Variants in NEK10 observed in about 807,000 individuals in gnomAD.
The protein encoded by NEK10 is NIMA related kinase 10.
A neutral mutation model predicts 159.8 loss-of-function variants in NEK10; 122 were observed. The ratio of observed to expected loss-of-function variants is 0.76; its 90% confidence interval spans 0.66 to 0.89. The LOEUF (loss-of-function observed/expected upper bound fraction) is 0.89, where lower values mean the gene tolerates loss of function less well. NEK10 is among the 40% of genes least tolerant of loss of function. The pLI, the probability that NEK10 is intolerant of heterozygous loss-of-function variation, is 0.00. For synonymous variants in NEK10, 466 were observed against 457.1 expected, an observed-to-expected ratio of 1.02 and a Z score of -0.25; for missense variants, 1,342 against 1,323.1, an observed-to-expected ratio of 1.01 and a Z score of -0.22.
At chr3:27,119,958 T>C (rs1575378141) in intron 32 of NEK10, 90 bp from the exon 33 acceptor site, 1 of 868,710 alleles carries the variant, frequency 1.2e-6, no homozygotes, top group East Asian at 2.5e-5. Flanking sequence ...TTTCCCTATG[T>C]CTCTGCACAG....
intron 30 of NEK10, among the ~76,000 whole-genome samples, chr3:27,146,237 C>G (rs1231442837): frequency 6.6e-6 from 1 of 152,142 alleles, no homozygotes; most frequent in Non-Finnish European, 1.5e-5. Flanking sequence ...ACACTTGACA[C>G]TTGACACATA....
chr3:27,169,048 C>T (rs1006241946), intron 29 of NEK10, among the ~76,000 whole-genome samples: 7 of 151,984 alleles, frequency 4.6e-5, no homozygotes, highest in African/African-American at 7.3e-5. Flanking sequence ...GGACATCAAC[C>T]GGATTTGTGC....
chr3:27,178,245 A>G lies in NEK10; in HGVS notation c.2506-3412T>C, dbSNP rs182029786. The stretch of plus-strand genomic sequence containing the variant: ...TCAGTTGAATAGCAATTCTAACAGT[A>G]ACAGACTGACATTACCCAAATTAAC... On this transcript the variant is annotated intron_variant, in intron 26 of 35. Coordinates refer to ENST00000691995, the MANE Select transcript of NEK10 (RefSeq NM_001394966.1). Among the ~76,000 whole-genome samples the G allele has an allele frequency of 1.5e-3, 221 of 152,346 alleles. 1 individual carries two copies. The highest frequency in any genetic ancestry group is 6.8e-3 in the Middle Eastern group (2 of 294).
chr3:27,364,612 T>G (rs2048931328), intron 1 of NEK10, among the ~76,000 whole-genome samples: 1 of 152,176 alleles, frequency 6.6e-6, no homozygotes, highest in South Asian at 2.1e-4. Context: ...AAAAATAGAG[T>G]TTAAATTCAA....
chr3:27,343,920 T>C (rs1433954328), intron 5 of NEK10, among the ~76,000 whole-genome samples: 1 of 152,222 alleles, frequency 6.6e-6, no homozygotes, highest in Non-Finnish European at 1.5e-5. Flanking sequence ...TAATCAGTCA[T>C]TAAATCACTG....
In NEK10 at chr3:27,295,648, T is replaced by C; in HGVS notation, c.1273A>G (p.Lys425Glu). ...TTACTTTTTGCTGCATTCTTTTGCT[T>C]ATTTGGTAAAATTAATTTTGCTATT... Reference protein sequence around the residue: ...YTIAKLILPNKQKNAAKSNLL... With the variant: ...YTIAKLILPNEQKNAAKSNLL... The change falls in exon 15 of 36, where the codon AAG becomes GAG. Residue 425 changes from lysine (K) to glutamate (E), a missense_variant. By Grantham distance (56) the Lys-to-Glu change is moderately conservative. Coordinates refer to ENST00000691995, the MANE Select transcript of NEK10 (RefSeq NM_001394966.1). 1 of 1,567,884 alleles carries C rather than the reference T, an allele frequency of 6.4e-7. No individual in the cohort carries two copies. Among genetic ancestry groups the C allele is most frequent in the Non-Finnish European group, 8.7e-7 (1 of 1,153,814 alleles).
chr3:27,344,893 A>G (rs2047447275), intron 4 of NEK10, among the ~76,000 whole-genome samples: 1 of 152,168 alleles, frequency 6.6e-6, no homozygotes, highest in Admixed American at 6.5e-5. Flanking sequence ...AGCCATGTTG[A>G]CTGTCACTGT....
chr3:27,339,177 C>A (rs1055144843), intron 5 of NEK10, among the ~76,000 whole-genome samples: 1 of 152,160 alleles, frequency 6.6e-6, no homozygotes, highest in Non-Finnish European at 1.5e-5. Context: ...TGTGCAGAAG[C>A]TCTTTAGTTT....
intron 5 of NEK10, among the ~76,000 whole-genome samples, chr3:27,340,433 G>A (rs2047120933): frequency 6.6e-6 from 1 of 152,092 alleles, no homozygotes; most frequent in African/African-American, 2.4e-5. Context: ...TAGACAACGG[G>A]TGGATAGGTG....
chr3:27,161,774 G>A (rs1372026400), intron 30 of NEK10, among the ~76,000 whole-genome samples: 1 of 151,934 alleles, frequency 6.6e-6, no homozygotes, highest in South Asian at 2.1e-4. Context: ...CATTTTAATC[G>A]TGGGCGGATC....
chr3:27,234,358 GA>G (rs1171709344), intron 23 of NEK10, among the ~76,000 whole-genome samples: 1 of 152,072 alleles, frequency 6.6e-6, no homozygotes, highest in Admixed American at 6.5e-5. Flanking sequence ...CCTATATCAA[GA>G]AAACCCCATT....
rs531453738 is a variant in NEK10, at chr3:27,134,135, T to C, written c.2971-2145A>G. Reference sequence around the variant, plus strand: ...CATTAAGGAGCAAATCAAAGACAGATGAGAAGGAAAATGAGTATAAATGAT... The same window carrying C: ...CATTAAGGAGCAAATCAAAGACAGACGAGAAGGAAAATGAGTATAAATGAT... On this transcript the variant is annotated intron_variant, in intron 31 of 35. Coordinates refer to ENST00000691995, the MANE Select transcript of NEK10 (RefSeq NM_001394966.1). Among the ~76,000 whole-genome samples, 15 of 151,156 alleles carry C rather than the reference T, an allele frequency of 9.9e-5. No individual in the cohort carries two copies. In the South Asian group the frequency reaches 1.1e-3, roughly 11 times the overall value.
intron 32 of NEK10, among the ~76,000 whole-genome samples, chr3:27,129,503 T>G (rs1331574398): frequency 6.6e-6 from 1 of 152,146 alleles, no homozygotes; most frequent in Non-Finnish European, 1.5e-5. Flanking sequence ...AAGTTGTTGC[T>G]ATCAAAAGAT....
At chr3:27,190,818 G>A (rs1382624408) in intron 26 of NEK10, among the ~76,000 whole-genome samples, 1 of 152,158 alleles carries the variant, frequency 6.6e-6, no homozygotes, top group African/African-American at 2.4e-5. Flanking sequence ...TTGTTGCCTA[G>A]TTATTATGAA....
At chr3:27,167,094 A>G (rs1442921292) in intron 29 of NEK10, among the ~76,000 whole-genome samples, 1 of 152,160 alleles carries the variant, frequency 6.6e-6, no homozygotes, top group Non-Finnish European at 1.5e-5. Flanking sequence ...CCTGCCAACT[A>G]TACCCTGTTG....
chr3:27,364,246 C>T lies in NEK10; in HGVS notation c.-38+4979G>A, dbSNP rs562396117. 1.7e-4 allele frequency among the ~76,000 whole-genome samples: 26 copies of T among 152,170 alleles called. No individual in the cohort carries two copies. In the East Asian group the frequency reaches 4.6e-3, roughly 27 times the overall value. On this transcript the variant is annotated intron_variant, in intron 1 of 35. Transcript: ENST00000691995. ...CTGGAGTGCAGTGGCACAATCTTGG[C>T]TCACTGCAACCTCTGCCTCCCAGGT...
chr3:27,300,826 G>A (rs1250201982), intron 13 of NEK10, among the ~76,000 whole-genome samples: 1 of 152,194 alleles, frequency 6.6e-6, no homozygotes, highest in African/African-American at 2.4e-5. Flanking sequence ...TGAGACAGGG[G>A]CCTTTCAGAG....
intron 22 of NEK10, among the ~76,000 whole-genome samples, chr3:27,269,586 T>TA (rs2041175139): frequency 6.6e-6 from 1 of 152,210 alleles, no homozygotes; most frequent in Admixed American, 6.5e-5. Flanking sequence ...TACACACAAA[T>TA]AGACTATTGC....
chr3:27,268,132 G>A lies in NEK10; in HGVS notation c.2015-11761C>T, dbSNP rs375875194. Among the ~76,000 whole-genome samples, 11 of 152,344 alleles carry A rather than the reference G, an allele frequency of 7.2e-5. No individual in the cohort carries two copies. In the South Asian group the frequency reaches 1.4e-3, roughly 20 times the overall value. On this transcript the variant is annotated intron_variant, in intron 22 of 35. Coordinates refer to ENST00000691995, the MANE Select transcript of NEK10 (RefSeq NM_001394966.1). ...GAAGACTGAGAGAGGTGAGAAAGCT[G>A]CAGAAGAAAGTCTGGAAGCTAGCAG...
Sources: allele counts gnomAD v4.1 joint callset (sites outside exome capture counted in the v4.1 genomes callset), GRCh38; gene constraint gnomAD v4.1.1; transcripts MANE v1.5; gene names NCBI Gene and HGNC (gene_info 2026-07-23, HGNC 2026-07-21).